Variants in CACNB2 observed in about 807,000 individuals in gnomAD.
The protein encoded by CACNB2 is voltage-dependent L-type calcium channel subunit beta-2.
Under a neutral mutation model 73.3 loss-of-function variants are expected in CACNB2, and 42 were observed. That is an observed-to-expected ratio of 0.57 (90% CI 0.45 to 0.74). The LOEUF is 0.74. Among genes scored for constraint, CACNB2 ranks in the 30% least tolerant of loss-of-function variants. The pLI is 0.00. For missense variants in CACNB2, 940 were observed against 853.0 expected (o/e 1.10, Z -1.27); for synonymous variants, 348 against 310.3 (o/e 1.12, Z -1.28).
At chr10:18,423,724 T>C (rs940556738) in intron 3 of CACNB2, among the ~76,000 whole-genome samples, 2 of 152,138 alleles carry the variant, frequency 1.3e-5, no homozygotes, top group African/African-American at 4.8e-5. Flanking sequence ...GCATAAGACA[T>C]ACAAATGTCT....
intron 2 of CACNB2, chr10:18,261,112 T>G: frequency 3.5e-6 from 5 of 1,412,650 alleles, no homozygotes; most frequent in Non-Finnish European, 2.8e-6. Flanking sequence ...AACGGTGGCT[T>G]TTTTAGAAAC....
At chr10:18,268,867 T>C (rs1423165364) in intron 2 of CACNB2, among the ~76,000 whole-genome samples, 2 of 151,820 alleles carry the variant, frequency 1.3e-5, no homozygotes, top group African/African-American at 4.8e-5. Context: ...AATGGAGGAG[T>C]CTACTGATTG....
At chr10:18,172,079 G>C (rs2033283043) in intron 2 of CACNB2, among the ~76,000 whole-genome samples, 1 of 152,146 alleles carries the variant, frequency 6.6e-6, no homozygotes. Context: ...AGGGCAAAAA[G>C]TGGTGGGGCA....
intron 1 of CACNB2, among the ~76,000 whole-genome samples, chr10:18,143,212 A>G (rs1307830323): frequency 2.6e-5 from 4 of 152,244 alleles, no homozygotes; most frequent in African/African-American, 9.6e-5. Flanking sequence ...GAGGACCCAC[A>G]TAGCAGCTCA....
intron 3 of CACNB2, among the ~76,000 whole-genome samples, chr10:18,417,081 T>A (rs2045014354): frequency 6.6e-6 from 1 of 151,386 alleles, no homozygotes; most frequent in Non-Finnish European, 1.5e-5. Flanking sequence ...TTCCTCTTTG[T>A]TTCATGCTCT....
chr10:18,355,646 T>A (rs1218105730), intron 2 of CACNB2, among the ~76,000 whole-genome samples: 4 of 150,658 alleles, frequency 2.7e-5, no homozygotes, highest in African/African-American at 7.4e-5. Context: ...TTTTTTTTTT[T>A]ATTTTTTTGA....
intron 2 of CACNB2, among the ~76,000 whole-genome samples, chr10:18,202,699 C>T (rs1218898724): frequency 6.6e-6 from 1 of 152,176 alleles, no homozygotes; most frequent in Non-Finnish European, 1.5e-5. Flanking sequence ...TCTATAGTTC[C>T]AGAACCATTC....
intron 2 of CACNB2, among the ~76,000 whole-genome samples, chr10:18,230,266 A>G (rs984303205): frequency 2.0e-5 from 3 of 152,242 alleles, no homozygotes; most frequent in African/African-American, 7.2e-5. Context: ...TCAACAGCAT[A>G]CATTTCTGCA....
At chr10:18,204,196 A>G (rs16916963) in intron 2 of CACNB2, among the ~76,000 whole-genome samples, 15,850 of 152,186 alleles carry the variant, frequency 0.1, 2,556 homozygotes, top group African/African-American at 0.35. Flanking sequence ...TAGAAACCAA[A>G]CCTTTTTCAT....
At chr10:18,490,663 G>A (rs903247169) in intron 3 of CACNB2, among the ~76,000 whole-genome samples, 2 of 152,214 alleles carry the variant, frequency 1.3e-5, no homozygotes, top group Admixed American at 6.5e-5. Context: ...TAATGATTCT[G>A]TAGAGCAGGA....
chr10:18,465,676 C>T lies in CACNB2; in HGVS notation c.334-32679C>T, dbSNP rs574521631. Reference sequence around the variant, plus strand: ...TCCCAAAGATAAGTACGTCATCCAACTTCTTCTTTTTTTTTTTTTTTTCAA... The same window carrying T: ...TCCCAAAGATAAGTACGTCATCCAATTTCTTCTTTTTTTTTTTTTTTTCAA... On this transcript the variant is annotated intron_variant, in intron 3 of 13. Coordinates refer to ENST00000324631, the MANE Select transcript of CACNB2 (RefSeq NM_201596.3). Among the ~76,000 whole-genome samples the T allele has an allele frequency of 3.9e-4, 58 of 148,328 alleles. No homozygotes were observed. In the East Asian group the frequency reaches 0.011, roughly 28 times the overall value.
chr10:18,340,584 G>T, intron 2 of CACNB2: 1 of 742,386 alleles, frequency 1.3e-6, no homozygotes, highest in Non-Finnish European at 1.8e-6. Flanking sequence ...TGATACTAAT[G>T]AAGTGTTACT....
At chr10:18,344,310 G>C (rs11013732) in intron 2 of CACNB2, among the ~76,000 whole-genome samples, 9,244 of 151,894 alleles carry the variant, frequency 0.061, 622 homozygotes, top group African/African-American at 0.17. Flanking sequence ...TTTGTGGAAA[G>C]AGTCATTTTG....
At chr10:18,489,956 CA>C (rs577522179) in intron 3 of CACNB2, among the ~76,000 whole-genome samples, 2 of 152,248 alleles carry the variant, frequency 1.3e-5, no homozygotes, top group South Asian at 4.1e-4. Context: ...TGGCTCACTG[CA>C]CCCTTGACCT....
intron 3 of CACNB2, among the ~76,000 whole-genome samples, chr10:18,479,702 TCGC>T (rs2048623684): frequency 2.6e-5 from 4 of 151,998 alleles, no homozygotes; most frequent in Non-Finnish European, 4.4e-5. Context: ...TCTCTCTCGC[TCGC>T]TCGCTCTCTC....
chr10:18,283,818 T>TA (rs1468502360), intron 2 of CACNB2, among the ~76,000 whole-genome samples: 2 of 152,022 alleles, frequency 1.3e-5, no homozygotes, highest in East Asian at 1.9e-4. Flanking sequence ...TAAAGTATAA[T>TA]AAAAAAATTA....
intron 3 of CACNB2, among the ~76,000 whole-genome samples, chr10:18,488,474 CAAAAAAAAA>C (rs59931967): frequency 1.8e-4 from 12 of 67,968 alleles, no homozygotes; most frequent in African/African-American, 5.7e-4. Context: ...GACTCCATCT[CAAAAAAAAA>C]AAAAAAAAAA....
At chr10:18,316,081 A>C in intron 2 of CACNB2, among the ~76,000 whole-genome samples, 1 of 152,206 alleles carries the variant, frequency 6.6e-6, no homozygotes. Flanking sequence ...AAATTTTAAC[A>C]GTCAGGCAGG....
chr10:18,151,589 G>A (rs1021459101), intron 2 of CACNB2, among the ~76,000 whole-genome samples: 13 of 152,078 alleles, frequency 8.5e-5, no homozygotes, highest in African/African-American at 2.7e-4. Flanking sequence ...ATATAAACAC[G>A]CTTATATATG....
Sources: allele counts gnomAD v4.1 joint callset (sites outside exome capture counted in the v4.1 genomes callset), GRCh38; gene constraint gnomAD v4.1.1; transcripts MANE v1.5; gene names NCBI Gene and HGNC (gene_info 2026-07-23, HGNC 2026-07-21).